GRID2: variants seen among roughly 807,000 people sequenced by gnomAD.
The protein encoded by GRID2 is glutamate ionotropic receptor delta type subunit 2, also known as glutamate receptor ionotropic, delta-2.
Under a neutral mutation model 114.8 loss-of-function variants are expected in GRID2, and 33 were observed. The ratio of observed to expected loss-of-function variants is 0.29; its 90% CI spans 0.22 to 0.38. The LOEUF (loss-of-function observed/expected upper bound fraction) is 0.38, where lower values mean the gene tolerates loss of function less well. Ranked by LOEUF, GRID2 falls within the 10% of genes least tolerant of loss-of-function variation. The probability of loss-of-function intolerance (pLI) is 1.00; values close to 1 mark genes in which losing one functional copy is unlikely to be tolerated. For missense variants in GRID2, 1,184 were observed against 1,257.7 expected (o/e 0.94, Z 0.89); for synonymous variants, 505 against 449.9 (o/e 1.12, Z -1.55).
chr4:93,686,483 A>G (rs1297470756), intron 14 of GRID2, among the ~76,000 whole-genome samples: 1 of 150,822 alleles, frequency 6.6e-6, no homozygotes, highest in Non-Finnish European at 1.5e-5. Context: ...ATAGAAGTAA[A>G]CAGACGAATA....
chr4:92,458,210 T>G (rs1456745915), intron 1 of GRID2, among the ~76,000 whole-genome samples: 2 of 152,156 alleles, frequency 1.3e-5, no homozygotes, highest in Non-Finnish European at 2.9e-5. Context: ...GGAAGCTAAA[T>G]TTTGCAAAAA....
chr4:93,734,005 A>G (rs144778617), intron 14 of GRID2, among the ~76,000 whole-genome samples: 4 of 152,022 alleles, frequency 2.6e-5, no homozygotes, highest in Non-Finnish European at 2.9e-5. Context: ...AGGTCCTTTA[A>G]TCATGGTGGA....
chr4:92,453,149 T>C (rs1054803422), intron 1 of GRID2, among the ~76,000 whole-genome samples: 4 of 151,924 alleles, frequency 2.6e-5, no homozygotes, highest in African/African-American at 7.3e-5. Flanking sequence ...GGAAAATGCC[T>C]GTGAAAGAAG....
At chr4:92,704,754 T>C (rs368769495) in intron 2 of GRID2, among the ~76,000 whole-genome samples, 1 of 148,238 alleles carries the variant, frequency 6.7e-6, no homozygotes, top group Non-Finnish European at 1.5e-5. Flanking sequence ...TCCCTCCCTC[T>C]CTCCCTCTCT....
chr4:93,008,709 A>G (rs1721817431), intron 2 of GRID2, among the ~76,000 whole-genome samples: 2 of 152,120 alleles, frequency 1.3e-5, no homozygotes, highest in South Asian at 2.1e-4. Flanking sequence ...GTATATATCA[A>G]TTTTTGCTTT....
rs1251974038 is a variant in GRID2, at chr4:92,688,036, T to TC, written c.244+97751dup. Among the ~76,000 whole-genome samples, 20 of 130,012 alleles carry TC rather than the reference T, an allele frequency of 1.5e-4. 1 individual carries two copies. The highest frequency in any genetic ancestry group is 2.7e-4 in the South Asian group (1 of 3,692). 85.3% of individuals were successfully genotyped at this position (130,012 alleles called of 152,430 possible). ...TGCCACATTGGTTGACCCTTCTTCT[T>TC]CTTTTTTTTTTTTTTTTTTTTTTTT... On this transcript the variant is annotated intron_variant, in intron 2 of 15. Coordinates refer to ENST00000282020, the MANE Select transcript of GRID2 (RefSeq NM_001510.4).
intron 1 of GRID2, among the ~76,000 whole-genome samples, chr4:92,365,615 T>G (rs528237558): frequency 2.6e-5 from 4 of 151,990 alleles, no homozygotes; most frequent in Admixed American, 1.3e-4. Context: ...TATTGTATTA[T>G]ATATTTCAAA....
At chr4:93,591,914 AT>A (rs1243444345) in intron 13 of GRID2, among the ~76,000 whole-genome samples, 3 of 151,944 alleles carry the variant, frequency 2.0e-5, no homozygotes, top group African/African-American at 7.3e-5. Flanking sequence ...CCCCTTTATC[AT>A]TTTTTATTGC....
intron 2 of GRID2, among the ~76,000 whole-genome samples, chr4:92,731,777 A>G (rs1242685429): frequency 6.6e-6 from 1 of 151,954 alleles, no homozygotes; most frequent in Non-Finnish European, 1.5e-5. Context: ...GAGACAATAG[A>G]TGAGTGCTTT....
intron 2 of GRID2, among the ~76,000 whole-genome samples, chr4:92,921,767 G>C (rs1749360516): frequency 1.3e-5 from 2 of 152,184 alleles, no homozygotes. Context: ...ACTGGGGAAT[G>C]CCACCCAGTT....
At chr4:93,080,097 A>T (rs1188283043) in intron 2 of GRID2, among the ~76,000 whole-genome samples, 2 of 152,128 alleles carry the variant, frequency 1.3e-5, no homozygotes, top group Non-Finnish European at 2.9e-5. Flanking sequence ...TAAATGTCAC[A>T]TCTCAGATGG....
chr4:92,350,893 T>C (rs114322072), intron 1 of GRID2, among the ~76,000 whole-genome samples: 2,282 of 151,972 alleles, frequency 0.015, 49 homozygotes, highest in African/African-American at 0.052. Context: ...AAATTGCCTG[T>C]TCTGGATGTT....
At chr4:93,697,869 G>GTATATATATATAATATATATATATATATA (rs749542291) in intron 14 of GRID2, among the ~76,000 whole-genome samples, 1 of 122,658 alleles carries the variant, frequency 8.2e-6, no homozygotes, top group South Asian at 2.8e-4. Flanking sequence ...CACAATGTGT[G>GTATATATATATAATATATATATATATATA]TATATATATA....
intron 14 of GRID2, among the ~76,000 whole-genome samples, chr4:93,713,897 G>A (rs900923121): frequency 2.6e-5 from 4 of 151,758 alleles, no homozygotes; most frequent in Admixed American, 2.0e-4. Context: ...AATCTATGTT[G>A]GTATTCATAT....
intron 1 of GRID2, among the ~76,000 whole-genome samples, chr4:92,462,733 A>G (rs1384637644): frequency 1.3e-5 from 2 of 152,002 alleles, no homozygotes; most frequent in Non-Finnish European, 2.9e-5. Context: ...ATTCCTTTCT[A>G]TAAGACACTT....
intron 2 of GRID2, among the ~76,000 whole-genome samples, chr4:93,018,150 GAAC>G (rs2149242018): frequency 6.7e-6 from 1 of 148,718 alleles, no homozygotes; most frequent in African/African-American, 2.5e-5. Flanking sequence ...GAGATACTGA[GAAC>G]AAAATTTTGC....
intron 1 of GRID2, among the ~76,000 whole-genome samples, chr4:92,579,760 G>T (rs1728084861): frequency 6.6e-6 from 1 of 151,282 alleles, no homozygotes; most frequent in South Asian, 2.1e-4. Context: ...ACAGTGGCAA[G>T]CATACACAAC....
chr4:92,824,496 A>T (rs1342628312), intron 2 of GRID2, among the ~76,000 whole-genome samples: 1 of 152,084 alleles, frequency 6.6e-6, no homozygotes, highest in African/African-American at 2.4e-5. Flanking sequence ...TCAAAAGAAT[A>T]AATTAATTAT....
Position 93,647,283 on chromosome 4 carries a change from A to G in GRID2, c.2360+20848A>G, listed in dbSNP as rs540897047. Among the ~76,000 whole-genome samples the G allele has an allele frequency of 1.1e-3, 164 of 152,308 alleles. 1 individual carries two copies. Among genetic ancestry groups the G allele is most frequent in the Non-Finnish European group, 1.7e-3 (116 of 68,026 alleles). On this transcript the variant is annotated intron_variant, in intron 14 of 15. Transcript: ENST00000282020. Reference sequence around the variant, plus strand: ...ACTTCATTATACGCTTTTGACTGTAAGAAAGGAAATCTGAAATCAAATGTT... The same window carrying G: ...ACTTCATTATACGCTTTTGACTGTAGGAAAGGAAATCTGAAATCAAATGTT...
Sources: allele counts gnomAD v4.1 joint callset (sites outside exome capture counted in the v4.1 genomes callset), GRCh38; gene constraint gnomAD v4.1.1; transcripts MANE v1.5; gene names NCBI Gene and HGNC (gene_info 2026-07-23, HGNC 2026-07-21).